The following RYR2 variants were observed in gnomAD, a reference collection of about 807,000 sequenced individuals.
RYR2 encodes cardiac muscle ryanodine receptor-calcium release channel.
A neutral mutation model predicts 601.1 loss-of-function variants in RYR2; 227 were observed. The observed-to-expected ratio is 0.38, with a 90% CI of 0.34 to 0.42. The LOEUF is 0.42. Among genes scored for constraint, RYR2 ranks in the 10% least tolerant of loss-of-function variants. The pLI, the probability that RYR2 is intolerant of heterozygous loss-of-function variation, is 1.00. For missense variants in RYR2, 4,646 were observed against 6,156.5 expected (o/e 0.75, Z 8.21); for synonymous variants, 2,223 against 2,175.1 (o/e 1.02, Z -0.61).
At chr1:237,611,611 C>G (rs1315096916) in intron 36 of RYR2, among the ~76,000 whole-genome samples, 3 of 152,074 alleles carry the variant, frequency 2.0e-5, no homozygotes, top group African/African-American at 4.8e-5. Context: ...ATTTAAGCAG[C>G]CTTCTTATCA....
At chr1:237,239,314 G>C (rs1438516481) in intron 1 of RYR2, among the ~76,000 whole-genome samples, 1 of 152,132 alleles carries the variant, frequency 6.6e-6, no homozygotes, top group Non-Finnish European at 1.5e-5. Context: ...ACAGGCAACA[G>C]AAAGTGAAAA....
intron 63 of RYR2, among the ~76,000 whole-genome samples, chr1:237,688,148 C>T (rs1401646865): frequency 2.6e-5 from 4 of 152,282 alleles, no homozygotes; most frequent in East Asian, 1.9e-4. Flanking sequence ...TTTTCCCTGC[C>T]GTGGGGCTTT....
chr1:237,716,065 C>G (rs1184289192), intron 71 of RYR2, among the ~76,000 whole-genome samples: 1 of 151,996 alleles, frequency 6.6e-6, no homozygotes, highest in Non-Finnish European at 1.5e-5. Flanking sequence ...ATAATTCTTA[C>G]TGCTATGGTT....
intron 1 of RYR2, among the ~76,000 whole-genome samples, chr1:237,064,965 TC>T (rs1229881346): frequency 6.6e-6 from 1 of 152,080 alleles, no homozygotes; most frequent in Non-Finnish European, 1.5e-5. Flanking sequence ...GGAACTGAAG[TC>T]CCCCATGAGA....
At chr1:237,511,894 A>G (rs1291939566) in intron 24 of RYR2, 103 bp downstream of exon 24, 3 of 735,188 alleles carry the variant, frequency 4.1e-6, no homozygotes, top group African/African-American at 3.5e-5. Context: ...TGAGCTGTGA[A>G]GTGATTTTTA....
intron 1 of RYR2, among the ~76,000 whole-genome samples, chr1:237,101,351 G>A (rs528904702): frequency 3.3e-4 from 40 of 120,902 alleles, no homozygotes; most frequent in Middle Eastern, 5.3e-3. Context: ...TTTCTTTTTT[G>A]TGCAGGCACA....
intron 25 of RYR2, among the ~76,000 whole-genome samples, chr1:237,539,247 C>T (rs954219120): frequency 2.0e-5 from 3 of 152,206 alleles, no homozygotes; most frequent in East Asian, 1.9e-4. Context: ...TCTCACTTCC[C>T]CTTGCTGAAA....
intron 100 of RYR2, among the ~76,000 whole-genome samples, chr1:237,814,910 G>A (rs186683694): frequency 6.7e-6 from 1 of 148,230 alleles, no homozygotes; most frequent in Non-Finnish European, 1.5e-5. Context: ...CTTAATTGTT[G>A]TCACTTACTT....
intron 24 of RYR2, among the ~76,000 whole-genome samples, chr1:237,514,510 TTTTA>T (rs1231215681): frequency 6.6e-6 from 1 of 152,222 alleles, no homozygotes; most frequent in Non-Finnish European, 1.5e-5. Context: ...ATGGACTGAT[TTTTA>T]TTTATTTATT....
rs767673456 is a variant in RYR2, at chr1:237,423,108, A to G, written c.865A>G (p.Ile289Val). The G allele has an allele frequency of 3.7e-6, 6 of 1,613,358 alleles. No individual in the cohort carries two copies. The highest frequency in any genetic ancestry group is 3.3e-5 in the South Asian group (3 of 90,926). Reference sequence around the variant, plus strand: ...TTTCATTAGGTGGAGTGGAAGCCACATAAGATGGGGACAGCCATTCCGACT... The same window carrying G: ...TTTCATTAGGTGGAGTGGAAGCCACGTAAGATGGGGACAGCCATTCCGACT... Reference protein sequence around the residue: ...TLRVAWSGSHIRWGQPFRLRH... With the variant: ...TLRVAWSGSHVRWGQPFRLRH... Residue 289 changes from isoleucine to valine, a missense_variant, in exon 12 of 105, where the codon ATA (isoleucine) becomes GTA (valine). Ile to Val is a conservative substitution (Grantham distance 29). Around this residue, in one of 17 missense-constraint regions of RYR2, gnomAD observed 87 missense variants for 144.7 expected, o/e 0.60. Coordinates refer to ENST00000366574, the MANE Select transcript of RYR2 (RefSeq NM_001035.3).
intron 12 of RYR2, among the ~76,000 whole-genome samples, chr1:237,425,890 G>T (rs922247380): frequency 6.6e-6 from 1 of 151,958 alleles, no homozygotes; most frequent in African/African-American, 2.4e-5. Context: ...TTGGTGTTCT[G>T]CTTTCATTTG....
Position 237,711,751 on chromosome 1 carries a change from A to G in RYR2, c.10237A>G (p.Lys3413Glu). The G allele has an allele frequency of 1.3e-6, 2 of 1,563,750 alleles. No individual in the cohort carries two copies. The highest frequency in any genetic ancestry group is 1.1e-5 in the South Asian group (1 of 87,184). The change falls in exon 71 of 105, where the codon AAA (lysine) becomes GAA (glutamate). Residue 3413 changes from lysine to glutamate, a missense_variant. Coordinates refer to ENST00000366574, the MANE Select transcript of RYR2 (RefSeq NM_001035.3). ...FIYWSKSHNF[K>E]REEQNFVVQN... Reference sequence around the variant, plus strand: ...TTCCTTTGCAACTTCTCAGAATTTCAAAAGAGAAGAGCAGAACTTCGTTGT... The same window carrying G: ...TTCCTTTGCAACTTCTCAGAATTTCGAAAGAGAAGAGCAGAACTTCGTTGT...
chr1:237,628,990 A>C (rs1348034340), intron 41 of RYR2, among the ~76,000 whole-genome samples: 1 of 152,180 alleles, frequency 6.6e-6, no homozygotes, highest in East Asian at 1.9e-4. Flanking sequence ...TTCAAGAGTG[A>C]GGATAAAACA....
At position 237,770,925 on chromosome 1, in the gene RYR2, A is replaced by T. The variant is rs763177834; in HGVS notation, c.11557+38A>T. On this transcript the variant is annotated intron_variant, in intron 85 of 104. Transcript: ENST00000366574. Reference sequence around the variant, plus strand: ...CCGGAACTTCTGATGATACTAAGGCATAAATAATGTTTTCAAGCCAGTAAT... The same window carrying T: ...CCGGAACTTCTGATGATACTAAGGCTTAAATAATGTTTTCAAGCCAGTAAT... 5 of 1,280,598 alleles carry T rather than the reference A, an allele frequency of 3.9e-6. No individual in the cohort carries two copies. In the East Asian group the frequency reaches 1.0e-4, roughly 26 times the overall value. The allele number at this position is 1,280,598 out of a possible 1,614,324, so 79.3% of individuals were successfully genotyped here.
chr1:237,097,639 A>G (rs955462972), intron 1 of RYR2, among the ~76,000 whole-genome samples: 1 of 152,252 alleles, frequency 6.6e-6, no homozygotes, highest in Non-Finnish European at 1.5e-5. Flanking sequence ...GTGTAATGCA[A>G]TCAAAGCAAC....
At chr1:237,795,834 G>GTATATATATA (rs1319664228) in intron 96 of RYR2, among the ~76,000 whole-genome samples, 3 of 39,206 alleles carry the variant, frequency 7.7e-5, no homozygotes, top group African/African-American at 3.9e-4. Context: ...ATGTGTGTGT[G>GTATATATATA]TGTATATATA....
chr1:237,569,927 T>C (rs1454718457), intron 29 of RYR2, among the ~76,000 whole-genome samples: 1 of 151,952 alleles, frequency 6.6e-6, no homozygotes, highest in African/African-American at 2.4e-5. Flanking sequence ...GTTGTAAAGA[T>C]GGAGGGTGGG....
At chr1:237,706,474 G>T (rs761233970) in intron 67 of RYR2, among the ~76,000 whole-genome samples, 16 of 152,174 alleles carry the variant, frequency 1.1e-4, no homozygotes, top group Non-Finnish European at 2.4e-4. Flanking sequence ...CCTGAGGACG[G>T]AGAGTGCCTG....
intron 14 of RYR2, among the ~76,000 whole-genome samples, chr1:237,453,659 A>G (rs1028348854): frequency 6.6e-6 from 1 of 152,144 alleles, no homozygotes; most frequent in East Asian, 1.9e-4. Flanking sequence ...TGTTTTAAAA[A>G]ATATTTTTAT....
Sources: gnomAD v4.1 joint callset for allele counts (sites outside exome capture counted in the v4.1 genomes callset) on GRCh38, gnomAD v4.1.1 for gene constraint, gnomAD v4.1.1 regional missense constraint, MANE v1.5 for transcripts, NCBI Gene and HGNC (gene_info 2026-07-23, HGNC 2026-07-21) for gene names.